Variants in RHBDL2 observed in about 807,000 individuals in gnomAD.
RHBDL2 encodes rhomboid like 2, also known as rhomboid-related protein 2.
Under a neutral mutation model 31.7 loss-of-function variants are expected in RHBDL2, and 26 were observed. The ratio of observed to expected loss-of-function variants is 0.82; its 90% CI spans 0.60 to 1.14. The LOEUF (loss-of-function observed/expected upper bound fraction) is 1.14. Among genes scored for constraint, RHBDL2 ranks in the 50% most tolerant of loss-of-function variants. RHBDL2 has a pLI of 0.00. For synonymous variants in RHBDL2, 123 were observed against 127.2 expected, an observed-to-expected ratio of 0.97 and a Z score of 0.22; for missense variants, 336 against 364.4, an observed-to-expected ratio of 0.92 and a Z score of 0.63.
intron 6 of RHBDL2, among the ~76,000 whole-genome samples, chr1:38,892,012 G>A (rs186067271): frequency 6.6e-6 from 1 of 152,254 alleles, no homozygotes; most frequent in East Asian, 1.9e-4. Flanking sequence ...ATGGCCTGCT[G>A]TCATCTGGAA....
chr1:38,939,438 G>A (rs928905019), intron 1 of RHBDL2, among the ~76,000 whole-genome samples: 1 of 152,230 alleles, frequency 6.6e-6, no homozygotes, highest in Non-Finnish European at 1.5e-5. Context: ...AAGGCAGGTG[G>A]ATCACTCGAG....
At chr1:38,897,250 G>A (rs569495493) in intron 4 of RHBDL2, among the ~76,000 whole-genome samples, 8 of 152,116 alleles carry the variant, frequency 5.3e-5, no homozygotes, top group East Asian at 1.9e-4. Context: ...ACAGGCGCCC[G>A]CCACCACGCC....
rs139721901 is a variant in RHBDL2 at position 38,894,646 on chromosome 1, T to G, written c.609+1323A>C. ...TAGAAATTTATCCTACAAAAAAAATTTACACAAATGCAAAAAGATAAATGT... is the reference window on the plus strand; with the variant it reads ...TAGAAATTTATCCTACAAAAAAAATGTACACAAATGCAAAAAGATAAATGT... On this transcript the variant is annotated intron_variant, in intron 5 of 7. Coordinates refer to ENST00000372990, the MANE Select transcript of RHBDL2 (RefSeq NM_017821.5). Among the ~76,000 whole-genome samples the G allele has an allele frequency of 1.2e-3, 177 of 151,974 alleles. 1 individual carries two copies. The highest frequency in any genetic ancestry group is 3.9e-3 in the African/African-American group (162 of 41,476).
chr1:38,904,346 G>A (rs1393510017), intron 4 of RHBDL2, among the ~76,000 whole-genome samples: 3 of 152,120 alleles, frequency 2.0e-5, no homozygotes, highest in Admixed American at 6.5e-5. Context: ...GGTGGTGTGC[G>A]CCTGTAATCT....
At chr1:38,929,672 T>A in intron 1 of RHBDL2, 2 of 776,906 alleles carry the variant, frequency 2.6e-6, no homozygotes, top group Non-Finnish European at 1.6e-6. Flanking sequence ...AGCCAATTGC[T>A]GCCCAGCTGG....
At chr1:38,896,616 C>T (rs1271897612) in intron 4 of RHBDL2, among the ~76,000 whole-genome samples, 1 of 152,162 alleles carries the variant, frequency 6.6e-6, no homozygotes, top group Non-Finnish European at 1.5e-5. Context: ...ATACCTGAGA[C>T]AATCCAACAT....
chr1:38,890,992 G>A lies in RHBDL2; in HGVS notation c.670+2172C>T, dbSNP rs1043029708. ...AAGAAGAATATTTACAACTTGGCTG[G>A]GCTCAGTGGCTCACGGCTGTAATCT... On this transcript the variant is annotated intron_variant, in intron 6 of 7. Transcript: ENST00000372990. Among the ~76,000 whole-genome samples the A allele has an allele frequency of 3.3e-5, 5 of 151,940 alleles. No individual in the cohort carries two copies. In the East Asian group the frequency reaches 9.6e-4, roughly 29 times the overall value.
chr1:38,928,164 C>T lies in RHBDL2; in HGVS notation c.-125-8827G>A, dbSNP rs559855022. On this transcript the variant is annotated intron_variant, in intron 1 of 7. Coordinates refer to ENST00000372990, the MANE Select transcript of RHBDL2 (RefSeq NM_017821.5). ...TTCTTTTTTTTTTTTTTTTTTGAGACGGAGTCTCGCTTTGTCGCCCAGGCT... is the reference window on the plus strand; with the variant it reads ...TTCTTTTTTTTTTTTTTTTTTGAGATGGAGTCTCGCTTTGTCGCCCAGGCT... Among the ~76,000 whole-genome samples the T allele has an allele frequency of 4.5e-3, 557 of 123,686 alleles. 4 individuals carry two copies. The highest frequency in any genetic ancestry group is 0.018 in the African/African-American group (543 of 30,336). 81.1% of individuals were successfully genotyped at this position (123,686 alleles called of 152,430 possible).
intron 1 of RHBDL2, among the ~76,000 whole-genome samples, chr1:38,920,275 C>A (rs993629059): frequency 4.2e-5 from 6 of 141,682 alleles, no homozygotes; most frequent in African/African-American, 1.1e-4. Context: ...TCAAGCGATT[C>A]TCCTGCCTCA....
intron 1 of RHBDL2, among the ~76,000 whole-genome samples, chr1:38,920,431 G>A (rs1030493766): frequency 5.9e-5 from 9 of 151,828 alleles, no homozygotes; most frequent in Non-Finnish European, 1.2e-4. Flanking sequence ...GCCTCCCAAA[G>A]TGTTGGGATT....
chr1:38,940,102 C>T (rs1489143851), intron 1 of RHBDL2, among the ~76,000 whole-genome samples: 1 of 152,140 alleles, frequency 6.6e-6, no homozygotes, highest in East Asian at 1.9e-4. Context: ...TTAGGCAAAT[C>T]CCTTAACCTG....
chr1:38,926,892 T>C (rs1445082867), intron 1 of RHBDL2: 1 of 152,380 alleles, frequency 6.6e-6, no homozygotes, highest in Non-Finnish European at 1.5e-5. Context: ...GCAGCACATA[T>C]ACTAAAAACC....
At chr1:38,912,984 A>ATT (rs1424949758) in intron 3 of RHBDL2, among the ~76,000 whole-genome samples, 15 of 19,044 alleles carry the variant, frequency 7.9e-4, no homozygotes, top group Non-Finnish European at 1.5e-3. Context: ...GTGTGTGTGT[A>ATT]TTTTTTTTTT....
At chr1:38,941,344 G>A (rs568501667) in intron 1 of RHBDL2, among the ~76,000 whole-genome samples, 12 of 152,264 alleles carry the variant, frequency 7.9e-5, no homozygotes, top group African/African-American at 2.9e-4. Context: ...AGGGTAGGGG[G>A]TGCTGGGGAG....
intron 5 of RHBDL2, among the ~76,000 whole-genome samples, chr1:38,893,903 C>G (rs1240627571): frequency 1.3e-5 from 2 of 152,090 alleles, no homozygotes; most frequent in African/African-American, 4.8e-5. Flanking sequence ...GTACACCTGG[C>G]TCATTGTTGG....
chr1:38,940,608 A>T (rs1643550369), intron 1 of RHBDL2, among the ~76,000 whole-genome samples: 1 of 152,106 alleles, frequency 6.6e-6, no homozygotes, highest in Non-Finnish European at 1.5e-5. Flanking sequence ...GCCTAAGGTG[A>T]GGGAGTTGCT....
intron 3 of RHBDL2, among the ~76,000 whole-genome samples, chr1:38,911,934 G>T (rs1643154096): frequency 6.6e-6 from 1 of 151,764 alleles, no homozygotes; most frequent in Non-Finnish European, 1.5e-5. Flanking sequence ...AGCCTCCCTA[G>T]TAGCTGAGAT....
chr1:38,897,580 T>G (rs891871961), intron 4 of RHBDL2, among the ~76,000 whole-genome samples: 1 of 152,124 alleles, frequency 6.6e-6, no homozygotes, highest in East Asian at 1.9e-4. Context: ...CCAAGCATGG[T>G]GGTACCCGCC....
At chr1:38,894,017 T>C (rs527379947) in intron 5 of RHBDL2, among the ~76,000 whole-genome samples, 1 of 152,284 alleles carries the variant, frequency 6.6e-6, no homozygotes, top group East Asian at 1.9e-4. Context: ...AATTAGTAAC[T>C]CTCTTCCCAA....
Sources: allele counts gnomAD v4.1 joint callset (sites outside exome capture counted in the v4.1 genomes callset), GRCh38; gene constraint gnomAD v4.1.1; transcripts MANE v1.5; gene names NCBI Gene and HGNC (gene_info 2026-07-23, HGNC 2026-07-21).